Variants in DCAF5 observed in about 807,000 individuals in gnomAD.
DCAF5 encodes DDB1 and CUL4 associated factor 5.
In DCAF5, 9 loss-of-function variants were observed where a neutral mutation model predicts 80.7. The observed-to-expected ratio is 0.11, with a 90% CI of 0.07 to 0.19. The LOEUF (loss-of-function observed/expected upper bound fraction) is 0.19. DCAF5 is among the 10% of genes least tolerant of loss of function. The probability of loss-of-function intolerance (pLI) is 1.00; values close to 1 mark genes in which losing one functional copy is unlikely to be tolerated. For synonymous variants in DCAF5, 433 were observed against 461.9 expected (o/e 0.94, Z 0.80); for missense variants, 842 against 1,205.7 (o/e 0.70, Z 4.47).
intron 6 of DCAF5, chr14:69,089,123 T>C (rs941657036): frequency 2.0e-5 from 3 of 152,646 alleles, no homozygotes; most frequent in East Asian, 3.8e-4. Flanking sequence ...GGAAAAATCA[T>C]ACTTATCAAT....
Position 69,152,631 on chromosome 14 carries a change from C to A in DCAF5, c.214+134G>T. 1 of 664,464 alleles carries A rather than the reference C, an allele frequency of 1.5e-6. No individual in the cohort carries two copies. The highest frequency in any genetic ancestry group is 2.5e-6 in the Non-Finnish European group (1 of 394,224). The allele number at this position is 664,464 out of a possible 1,614,324, so 41.2% of individuals were successfully genotyped here. A position where few individuals can be genotyped will look rare whatever the true frequency, so the allele number is the denominator to read the frequency against. On this transcript the variant is annotated intron_variant, in intron 1 of 8. Transcript: ENST00000341516. The surrounding 1 kb of genome is among the most constrained non-coding windows in gnomAD (Gnocchi z 4.1). Reference sequence around the variant, plus strand: ...CAATGGTTTTAATTTGACACCAAACCTTCCCACCGCAGAAGGGGGTAGAGA... The same window carrying A: ...CAATGGTTTTAATTTGACACCAAACATTCCCACCGCAGAAGGGGGTAGAGA...
chr14:69,097,439 C>A (rs2139989497), intron 5 of DCAF5, among the ~76,000 whole-genome samples: 1 of 152,170 alleles, frequency 6.6e-6, no homozygotes, highest in Admixed American at 6.5e-5. Context: ...TCCTCGTACA[C>A]CCACATTAAT....
At chr14:69,069,780 T>C (rs547104265) in intron 7 of DCAF5, among the ~76,000 whole-genome samples, 16 of 151,900 alleles carry the variant, frequency 1.1e-4, no homozygotes, top group Non-Finnish European at 2.2e-4. Flanking sequence ...TAGCAGCAGT[T>C]AGTTTTAAAA....
intron 1 of DCAF5, among the ~76,000 whole-genome samples, chr14:69,132,036 T>A (rs1484918929): frequency 1.3e-5 from 2 of 152,200 alleles, no homozygotes; most frequent in Non-Finnish European, 2.9e-5. Context: ...GTTTATCTAT[T>A]CATCCACTGA....
intron 5 of DCAF5, among the ~76,000 whole-genome samples, chr14:69,095,699 G>T (rs546739638): frequency 6.6e-6 from 1 of 152,148 alleles, no homozygotes; most frequent in Non-Finnish European, 1.5e-5. Context: ...GTGATTGAGC[G>T]TATCACTTCT....
chr14:69,057,066 T>C (rs569589675), intron 8 of DCAF5, among the ~76,000 whole-genome samples: 2 of 152,198 alleles, frequency 1.3e-5, no homozygotes, highest in African/African-American at 4.8e-5. Context: ...GTCCCACTCT[T>C]AGAGGTTCTG....
At chr14:69,078,459 C>T (rs1341544100) in intron 6 of DCAF5, among the ~76,000 whole-genome samples, 3 of 152,142 alleles carry the variant, frequency 2.0e-5, no homozygotes, top group Non-Finnish European at 4.4e-5. Context: ...GGGTATATAT[C>T]CAAAAGCACT....
At position 69,051,546 on chromosome 14, in the gene DCAF5, C is replaced by T. The variant is rs2139809082; in HGVS notation, c.*2311G>A. On this transcript the variant is annotated 3_prime_UTR_variant, in exon 9 of 9. Coordinates refer to ENST00000341516, the MANE Select transcript of DCAF5 (RefSeq NM_003861.3). ...CTGCCAAGGATGGAAGGCATACTTGCTAAAAATGATCTTTCTTGGCTTCTC... is the reference window on the plus strand; with the variant it reads ...CTGCCAAGGATGGAAGGCATACTTGTTAAAAATGATCTTTCTTGGCTTCTC... 1 of 152,260 alleles carries T rather than the reference C, an allele frequency of 6.6e-6. No individual in the cohort carries two copies. The highest frequency in any genetic ancestry group is 2.1e-4 in the South Asian group (1 of 4,822). 9.4% of individuals were successfully genotyped at this position (152,260 alleles called of 1,614,324 possible).
chr14:69,108,073 A>G (rs1250078757), intron 5 of DCAF5, among the ~76,000 whole-genome samples: 4 of 152,252 alleles, frequency 2.6e-5, no homozygotes, highest in African/African-American at 9.6e-5. Context: ...TAGCATATGA[A>G]TAACTAATGA....
At chr14:69,146,290 T>C (rs2041535146) in intron 1 of DCAF5, among the ~76,000 whole-genome samples, 1 of 152,222 alleles carries the variant, frequency 6.6e-6, no homozygotes, top group African/African-American at 2.4e-5. Context: ...TGACTAATGA[T>C]CAGCAGCTAA....
In DCAF5 at chr14:69,152,476, C is replaced by G. The variant is rs985444797; in HGVS notation, c.214+289G>C. ...TTTGTAGAGCGGTAACCTCGCCCCC[C>G]TCCCCGACCTACACTTTCAGGGCAG... On this transcript the variant is annotated intron_variant, in intron 1 of 8. Transcript: ENST00000341516. This position sits in a 1 kb window ranked among gnomAD's most constrained non-coding sequence, Gnocchi z 4.1. 11 of 326,044 alleles carry G rather than the reference C, an allele frequency of 3.4e-5. No individual in the cohort carries two copies. Among genetic ancestry groups the G allele is most frequent in the African/African-American group, 8.6e-5 (4 of 46,768 alleles). The allele number at this position is 326,044 out of a possible 1,614,324, so 20.2% of individuals were successfully genotyped here.
chr14:69,112,037 G>C (rs1325110802), intron 5 of DCAF5, among the ~76,000 whole-genome samples: 2 of 152,140 alleles, frequency 1.3e-5, no homozygotes, highest in Non-Finnish European at 2.9e-5. Context: ...TGAGAATAAA[G>C]GTCCGACAAT....
chr14:69,081,228 T>C lies in DCAF5; in HGVS notation c.880-5817A>G, dbSNP rs181543045. Reference sequence around the variant, plus strand: ...CATTATCTAGGCAATAAAGTCCCCATTTCCCAAAACACCCTGAGTTGAGGG... The same window carrying C: ...CATTATCTAGGCAATAAAGTCCCCACTTCCCAAAACACCCTGAGTTGAGGG... On this transcript the variant is annotated intron_variant, in intron 6 of 8. Transcript: ENST00000341516. 1.1e-3 allele frequency among the ~76,000 whole-genome samples: 165 copies of C among 152,314 alleles called. 4 individuals are homozygous for C. The highest frequency in any genetic ancestry group is 7.1e-3 in the Admixed American group (108 of 15,288).
intron 1 of DCAF5, among the ~76,000 whole-genome samples, chr14:69,148,494 AG>A (rs1328590525): frequency 6.6e-6 from 1 of 152,184 alleles, no homozygotes; most frequent in Non-Finnish European, 1.5e-5. Context: ...CAGGAGTTTG[AG>A]ACCAGCCTGG....
Position 69,055,483 on chromosome 14 carries a change from C to T in DCAF5, c.1203G>A (p.Ser401=), listed in dbSNP as rs368987605. The T allele has an allele frequency of 1.3e-5, 21 of 1,614,032 alleles. No individual in the cohort carries two copies. Among genetic ancestry groups the T allele is most frequent in the East Asian group, 2.2e-5 (1 of 44,882 alleles). Residue 401 remains serine, a synonymous_variant, in exon 9 of 9, where the codon TCG becomes TCA. Transcript: ENST00000341516. This position sits in a 1 kb window ranked among gnomAD's most constrained non-coding sequence, Gnocchi z 5.6. ...GGACCGACTGGTTGGCGTAGTCATG[C>T]GACAGGCCACTCCCACTGTTCAGCA... is the stretch of plus-strand genomic sequence containing the variant. ...SLVLNSGSGL[S]HDYANQSVQE... is the part of the protein sequence containing the mutation.
chr14:69,101,780 GTTA>G lies in DCAF5; in HGVS notation c.666-9896_666-9894del, dbSNP rs1296014224. ...AAACCTGTACAGCATGTTACTATAT[GTTA>G]TTATATGGAACACCAAATGCCATAG... On this transcript the variant is annotated intron_variant, in intron 5 of 8. Transcript: ENST00000341516. Among the ~76,000 whole-genome samples the G allele has an allele frequency of 6.6e-5, 10 of 152,278 alleles. No homozygotes were observed. The East Asian group carries it at 1.9e-3, about 29-fold the overall frequency.
At chr14:69,142,999 C>T (rs1378859264) in intron 1 of DCAF5, among the ~76,000 whole-genome samples, 1 of 152,180 alleles carries the variant, frequency 6.6e-6, no homozygotes, top group Non-Finnish European at 1.5e-5. Context: ...GTATGGAATA[C>T]ACAGAGTGTG....
At chr14:69,131,689 G>T (rs1019148056) in intron 1 of DCAF5, among the ~76,000 whole-genome samples, 1 of 150,350 alleles carries the variant, frequency 6.7e-6, no homozygotes, top group Non-Finnish European at 1.5e-5. Flanking sequence ...GCAGAGGACA[G>T]AACAGCACCT....
chr14:69,137,720 T>C (rs752007465), intron 1 of DCAF5, among the ~76,000 whole-genome samples: 2 of 152,180 alleles, frequency 1.3e-5, no homozygotes, highest in African/African-American at 2.4e-5. Context: ...GTAAGCCCCT[T>C]TGCCCATGAT....
Sources: allele counts gnomAD v4.1 joint callset (sites outside exome capture counted in the v4.1 genomes callset), GRCh38; gene constraint gnomAD v4.1.1; non-coding constraint Gnocchi (gnomAD v3.1); transcripts MANE v1.5; gene names NCBI Gene and HGNC (gene_info 2026-07-23, HGNC 2026-07-21).